The following SLC13A3 variants were observed in gnomAD, a reference collection of about 807,000 sequenced individuals.
SLC13A3 encodes solute carrier family 13 member 3.
SLC13A3 carries 40 observed loss-of-function variants against 59.0 expected under a neutral mutation model. The observed-to-expected ratio is 0.68, with a 90% CI of 0.53 to 0.88. SLC13A3 has a LOEUF of 0.88. Among genes scored for constraint, SLC13A3 ranks in the 40% least tolerant of loss-of-function variants. SLC13A3 has a pLI of 0.00. For missense variants in SLC13A3, 699 were observed against 783.2 expected, an observed-to-expected ratio of 0.89 and a Z score of 1.28; for synonymous variants, 317 against 330.3, an observed-to-expected ratio of 0.96 and a Z score of 0.44.
chr20:46,605,092 G>A (rs559516894), intron 3 of SLC13A3, among the ~76,000 whole-genome samples: 113 of 152,310 alleles, frequency 7.4e-4, no homozygotes, highest in Non-Finnish European at 1.3e-3. Context: ...GCCCTGATAA[G>A]AGATTGTATG....
chr20:46,666,804 G>A (rs962529331), intron 1 of SLC13A3, among the ~76,000 whole-genome samples: 1 of 152,082 alleles, frequency 6.6e-6, no homozygotes, highest in Non-Finnish European at 1.5e-5. Flanking sequence ...ACACCTGGCT[G>A]TGATTTTCAT....
chr20:46,578,065 G>A (rs1454368742), intron 9 of SLC13A3, among the ~76,000 whole-genome samples: 5 of 151,760 alleles, frequency 3.3e-5, no homozygotes, highest in African/African-American at 1.2e-4. Context: ...GCAGTGGTGC[G>A]ATCTCGGCTC....
At chr20:46,631,948 G>T (rs2062742519) in intron 1 of SLC13A3, among the ~76,000 whole-genome samples, 1 of 152,120 alleles carries the variant, frequency 6.6e-6, no homozygotes, top group African/African-American at 2.4e-5. Context: ...CAGGACCCTG[G>T]GGCAGGAATT....
chr20:46,609,622 G>T (rs1276419358), intron 3 of SLC13A3, among the ~76,000 whole-genome samples: 1 of 152,122 alleles, frequency 6.6e-6, no homozygotes, highest in Non-Finnish European at 1.5e-5. Context: ...TACATATTGA[G>T]GTTGTATTCT....
At chr20:46,576,726 G>A (rs2062080326) in intron 9 of SLC13A3, among the ~76,000 whole-genome samples, 1 of 152,176 alleles carries the variant, frequency 6.6e-6, no homozygotes, top group African/African-American at 2.4e-5. Context: ...AGGGAAGCAG[G>A]GAGGATGGGT....
intron 1 of SLC13A3, among the ~76,000 whole-genome samples, chr20:46,640,099 T>A (rs2062832568): frequency 6.6e-6 from 1 of 152,186 alleles, no homozygotes. Flanking sequence ...ACTTAGTAGA[T>A]GCTAGAGGTG....
chr20:46,566,356 A>T lies in SLC13A3; in HGVS notation c.1367T>A (p.Leu456Gln), dbSNP rs2061980275. The T allele has an allele frequency of 1.2e-6, 2 of 1,612,548 alleles. No individual in the cohort carries two copies. The highest frequency in any genetic ancestry group is 1.7e-5 in the Admixed American group (1 of 59,938). ...SGLSVWIGGQ[L>Q]HPLENVPPAL... ...GGGGGGCACATTCTCCAGGGGGTGC[A>T]GCTGCCCACCAATCCATACAGACAG... The change falls in exon 11 of 13, where the codon CTG (leucine) becomes CAG (glutamine). Residue 456 changes from leucine to glutamine, a missense_variant. By Grantham distance (113) the Leu-to-Gln change is moderately radical. Coordinates refer to ENST00000279027, the MANE Select transcript of SLC13A3 (RefSeq NM_022829.6).
At chr20:46,603,547 G>C (rs865813718) in intron 3 of SLC13A3, among the ~76,000 whole-genome samples, 31 of 144,224 alleles carry the variant, frequency 2.1e-4, no homozygotes, top group African/African-American at 8.1e-4. Flanking sequence ...GCTAATTGTT[G>C]TATTTTTTTT....
At chr20:46,670,890 T>C (rs1253265005), upstream of SLC13A3, among the ~76,000 whole-genome samples, 1 of 152,196 alleles carries the variant, frequency 6.6e-6, no homozygotes, top group Non-Finnish European at 1.5e-5. Context: ...GGATCCTTCA[T>C]GAATTCATGG....
intron 10 of SLC13A3, among the ~76,000 whole-genome samples, chr20:46,570,215 C>T (rs2062018124): frequency 6.6e-6 from 1 of 152,224 alleles, no homozygotes; most frequent in African/African-American, 2.4e-5. Context: ...GAAACACTCT[C>T]TGTACTTAGT....
At chr20:46,604,498 TCACATGGAAGTCAGGC>T (rs2062416142) in intron 3 of SLC13A3, among the ~76,000 whole-genome samples, 1 of 152,162 alleles carries the variant, frequency 6.6e-6, no homozygotes, top group Non-Finnish European at 1.5e-5. Flanking sequence ...GGATTTTCCT[TCACATGGAAGTCAGGC>T]CACATACACA....
At chr20:46,663,198 C>T (rs1041498795) in intron 1 of SLC13A3, among the ~76,000 whole-genome samples, 1 of 152,156 alleles carries the variant, frequency 6.6e-6, no homozygotes, top group East Asian at 1.9e-4. Flanking sequence ...AATTTCAGCA[C>T]TCTGGGAGAC....
At chr20:46,587,137 C>T (rs560917019) in intron 8 of SLC13A3, among the ~76,000 whole-genome samples, 26 of 152,264 alleles carry the variant, frequency 1.7e-4, no homozygotes, top group African/African-American at 2.6e-4. Context: ...CTATTCTCCT[C>T]GTCTATATTT....
chr20:46,604,926 C>T (rs1001100877), intron 3 of SLC13A3, among the ~76,000 whole-genome samples: 1 of 152,144 alleles, frequency 6.6e-6, no homozygotes, highest in South Asian at 2.1e-4. Context: ...ATCGCTAGCT[C>T]GCTCTACCCT....
chr20:46,589,321 A>G, intron 6 of SLC13A3, 66 bp from the exon 7 acceptor site: 1 of 1,364,378 alleles, frequency 7.3e-7, no homozygotes, highest in South Asian at 1.2e-5. Flanking sequence ...ACCTACAACA[A>G]GCACCACCAC....
intron 4 of SLC13A3, among the ~76,000 whole-genome samples, chr20:46,597,382 G>C (rs6063010): frequency 0.15 from 23,478 of 152,080 alleles, 2,015 homozygotes; most frequent in East Asian, 0.36. Flanking sequence ...TGAAATAGCA[G>C]GTTACAAAAC....
chr20:46,563,577 C>T lies in SLC13A3; in HGVS notation c.1495-26G>A, dbSNP rs750744621. The T allele has an allele frequency of 6.2e-6, 10 of 1,607,202 alleles. No homozygotes were observed. The African/African-American group carries it at 1.1e-4, about 17-fold the overall frequency. On this transcript the variant is annotated intron_variant, in intron 11 of 12. Transcript: ENST00000279027. ...CTGGGCCAGGAAAAGGTGGGAGAGACCCGGAGAGAGACCAACGCAGAGCGA... is the reference window on the plus strand; with the variant it reads ...CTGGGCCAGGAAAAGGTGGGAGAGATCCGGAGAGAGACCAACGCAGAGCGA...
intron 8 of SLC13A3, chr20:46,585,684 G>T (rs943490104): frequency 7.7e-7 from 1 of 1,296,622 alleles, no homozygotes; most frequent in Non-Finnish European, 1.0e-6. Flanking sequence ...TAGAGACTGA[G>T]ATTTAGCTGA....
intron 1 of SLC13A3, among the ~76,000 whole-genome samples, chr20:46,668,845 GC>G (rs2063075355): frequency 6.6e-6 from 1 of 152,196 alleles, no homozygotes. Context: ...TATAAATGGA[GC>G]AACAAAGTCT....
Sources: gnomAD v4.1 joint callset for allele counts (sites outside exome capture counted in the v4.1 genomes callset) on GRCh38, gnomAD v4.1.1 for gene constraint, MANE v1.5 for transcripts, NCBI Gene and HGNC (gene_info 2026-07-23, HGNC 2026-07-21) for gene names.